MTSS1: variants seen among roughly 807,000 people sequenced by gnomAD.
MTSS1 encodes the protein protein MTSS 1.
A neutral mutation model predicts 79.0 loss-of-function variants in MTSS1; 18 were observed. That is an observed-to-expected ratio of 0.23 (90% CI 0.16 to 0.34). MTSS1 has a LOEUF of 0.34. Among genes scored for constraint, MTSS1 ranks in the 10% least tolerant of loss-of-function variants. The pLI, the probability that MTSS1 is intolerant of heterozygous loss-of-function variation, is 1.00. For missense variants in MTSS1, 815 were observed against 986.2 expected (o/e 0.83, Z 2.33); for synonymous variants, 341 against 368.6 (o/e 0.93, Z 0.86).
chr8:124,680,126 G>T (rs1825897635), intron 3 of MTSS1, among the ~76,000 whole-genome samples: 1 of 152,122 alleles, frequency 6.6e-6, no homozygotes, highest in South Asian at 2.1e-4. Flanking sequence ...CAGTTTCAGT[G>T]TTCAATACAT....
At chr8:124,617,927 C>T (rs1182858910) in intron 3 of MTSS1, among the ~76,000 whole-genome samples, 1 of 152,164 alleles carries the variant, frequency 6.6e-6, no homozygotes, top group Admixed American at 6.5e-5. Flanking sequence ...CAAGAGGTGG[C>T]CTGGCACATT....
Position 124,727,580 on chromosome 8 carries a change from A to G in MTSS1, c.72+304T>C. 1.8e-6 allele frequency: 1 copy of G among 550,432 alleles called. No homozygotes were observed. Among genetic ancestry groups the G allele is most frequent in the Non-Finnish European group, 3.5e-6 (1 of 288,086 alleles). The allele number at this position is 550,432 out of a possible 1,614,324, so 34.1% of individuals were successfully genotyped here. ...ACTTACTTCAGGGACAGACAATGGG[A>G]AAACTTGCAGCCAGTGCCTTGAGCC... On this transcript the variant is annotated intron_variant, in intron 1 of 13. Coordinates refer to ENST00000518547, the MANE Select transcript of MTSS1 (RefSeq NM_014751.6). The surrounding 1 kb of genome is among the most constrained non-coding windows in gnomAD (Gnocchi z 4.7).
rs1823421554 is a variant in MTSS1 at position 124,555,431 on chromosome 8, A to C, written c.1567+311T>G. Among the ~76,000 whole-genome samples, 6 of 152,190 alleles carry C rather than the reference A, an allele frequency of 3.9e-5. No individual in the cohort carries two copies. The South Asian group carries it at 1.2e-3, about 32-fold the overall frequency. ...CGGCTAATTTTTTTGTATTTTTAGT[A>C]GAGATGGGGTTTCACCATGTTAGCC... On this transcript the variant is annotated intron_variant, in intron 13 of 13. Transcript: ENST00000518547.
intron 1 of MTSS1, among the ~76,000 whole-genome samples, chr8:124,716,642 C>T (rs1587966457): frequency 6.6e-6 from 1 of 152,182 alleles, no homozygotes; most frequent in Non-Finnish European, 1.5e-5. Context: ...AGGGAATCTG[C>T]ATTTTAACCC....
intron 3 of MTSS1, among the ~76,000 whole-genome samples, chr8:124,601,183 CCCGAGTA>C (rs1410861852): frequency 1.3e-5 from 2 of 151,914 alleles, no homozygotes; most frequent in East Asian, 3.9e-4. Flanking sequence ...GCCTCAGCCA[CCCGAGTA>C]CCTGAGATTA....
intron 3 of MTSS1, among the ~76,000 whole-genome samples, chr8:124,667,924 T>A (rs1459187508): frequency 4.6e-5 from 7 of 151,714 alleles, no homozygotes; most frequent in South Asian, 2.1e-4. Context: ...TAAAAAAAAA[T>A]TAGCCAGACA....
chr8:124,645,950 G>A (rs189412679), intron 3 of MTSS1, among the ~76,000 whole-genome samples: 35 of 152,250 alleles, frequency 2.3e-4, no homozygotes, highest in Admixed American at 7.8e-4. Context: ...TCATGCAAAT[G>A]AATTCTAGTT....
At chr8:124,653,320 T>C (rs1347394412) in intron 3 of MTSS1, among the ~76,000 whole-genome samples, 1 of 152,238 alleles carries the variant, frequency 6.6e-6, no homozygotes. Context: ...GTCCATCACA[T>C]TGAAATAAAA....
At chr8:124,570,294 A>C (rs1827470677) in intron 6 of MTSS1, among the ~76,000 whole-genome samples, 1 of 152,194 alleles carries the variant, frequency 6.6e-6, no homozygotes, top group Non-Finnish European at 1.5e-5. Context: ...CTCATCAGTC[A>C]AGTGAGTACA....
chr8:124,612,233 A>G (rs953313285), intron 3 of MTSS1, among the ~76,000 whole-genome samples: 3 of 152,236 alleles, frequency 2.0e-5, no homozygotes, highest in South Asian at 2.1e-4. Flanking sequence ...CCTGACCACA[A>G]GGCAGAGGAC....
chr8:124,556,457 G>A (rs1175615952), intron 11 of MTSS1, 52 bp from the exon 12 acceptor site: 1 of 1,546,918 alleles, frequency 6.5e-7, no homozygotes, highest in African/African-American at 1.4e-5. Context: ...CCACTGGAGG[G>A]CTGCGGGGAC....
chr8:124,644,898 C>G lies in MTSS1; in HGVS notation c.209-53663G>C, dbSNP rs77633543. Among the ~76,000 whole-genome samples, 21 of 152,266 alleles carry G rather than the reference C, an allele frequency of 1.4e-4. No individual in the cohort carries two copies. The East Asian group carries it at 4.1e-3, about 29-fold the overall frequency. ...TTAAGTCATTTTTCTAAGAAAATGTCTAGCTGGATAAACTGAATGAAATTA... is the reference window on the plus strand; with the variant it reads ...TTAAGTCATTTTTCTAAGAAAATGTGTAGCTGGATAAACTGAATGAAATTA... On this transcript the variant is annotated intron_variant, in intron 3 of 13. Coordinates refer to ENST00000518547, the MANE Select transcript of MTSS1 (RefSeq NM_014751.6).
At chr8:124,663,121 C>T (rs1287435125) in intron 3 of MTSS1, among the ~76,000 whole-genome samples, 2 of 152,204 alleles carry the variant, frequency 1.3e-5, no homozygotes, top group African/African-American at 4.8e-5. Flanking sequence ...AAATGGGCAA[C>T]TTGTACTTAG....
intron 3 of MTSS1, among the ~76,000 whole-genome samples, chr8:124,616,400 C>T (rs1054928734): frequency 1.4e-4 from 21 of 146,440 alleles, no homozygotes; most frequent in African/African-American, 5.3e-4. Flanking sequence ...AAAAAATCAG[C>T]TTTATTACTT....
chr8:124,708,770 G>T (rs1402933021), intron 1 of MTSS1, among the ~76,000 whole-genome samples: 1 of 152,136 alleles, frequency 6.6e-6, no homozygotes, highest in Non-Finnish European at 1.5e-5. Flanking sequence ...CACCCAGCCA[G>T]AAGGTTGCCC....
At chr8:124,593,428 A>G (rs537218090) in intron 3 of MTSS1, among the ~76,000 whole-genome samples, 1 of 152,354 alleles carries the variant, frequency 6.6e-6, no homozygotes, top group African/African-American at 2.4e-5. Context: ...TGCGGAAATG[A>G]TTAAGAGTGA....
chr8:124,697,871 G>A (rs1215963749), intron 3 of MTSS1, among the ~76,000 whole-genome samples: 1 of 152,188 alleles, frequency 6.6e-6, no homozygotes, highest in Non-Finnish European at 1.5e-5. Flanking sequence ...TAGTTTCTGT[G>A]TCACATTCTC....
At chr8:124,664,523 A>C (rs1822697092) in intron 3 of MTSS1, among the ~76,000 whole-genome samples, 1 of 152,256 alleles carries the variant, frequency 6.6e-6, no homozygotes, top group African/African-American at 2.4e-5. Context: ...ACACTCTAAA[A>C]TTGAGCCCTT....
At chr8:124,581,363 T>G (rs943515430) in intron 6 of MTSS1, among the ~76,000 whole-genome samples, 4 of 151,692 alleles carry the variant, frequency 2.6e-5, no homozygotes, top group Admixed American at 1.3e-4. Context: ...GTGACCATAA[T>G]AAGTACCTAA....
Sources: allele counts gnomAD v4.1 joint callset (sites outside exome capture counted in the v4.1 genomes callset), GRCh38; gene constraint gnomAD v4.1.1; non-coding constraint Gnocchi (gnomAD v3.1); transcripts MANE v1.5; gene names NCBI Gene and HGNC (gene_info 2026-07-23, HGNC 2026-07-21).